IMPG2: variants seen among roughly 807,000 people sequenced by gnomAD.
The protein encoded by IMPG2 is IPM 200.
In IMPG2, 91 loss-of-function variants were observed where a neutral mutation model predicts 129.2. That is an observed-to-expected ratio of 0.70 (90% CI 0.59 to 0.84). The LOEUF (loss-of-function observed/expected upper bound fraction) is 0.84, where lower values mean the gene tolerates loss of function less well. Ranked by LOEUF, IMPG2 falls within the 40% of genes least tolerant of loss-of-function variation. The pLI is 0.00. For synonymous variants in IMPG2, 510 were observed against 517.7 expected, an observed-to-expected ratio of 0.99 and a Z score of 0.20; for missense variants, 1,430 against 1,461.7, an observed-to-expected ratio of 0.98 and a Z score of 0.35.
At chr3:101,277,724 A>G (rs1706852792) in intron 4 of IMPG2, among the ~76,000 whole-genome samples, 2 of 152,216 alleles carry the variant, frequency 1.3e-5, no homozygotes, top group South Asian at 4.1e-4. Context: ...AAGATAATCT[A>G]AGAAAGCCTC....
chr3:101,269,502 T>G lies in IMPG2; in HGVS notation c.887+13A>C. The G allele has an allele frequency of 6.8e-7, 1 of 1,466,494 alleles. No individual in the cohort carries two copies. Among genetic ancestry groups the G allele is most frequent in the Non-Finnish European group, 9.6e-7 (1 of 1,045,820 alleles). The allele number at this position is 1,466,494 out of a possible 1,614,324, so 90.8% of individuals were successfully genotyped here. A position where few individuals can be genotyped will look rare whatever the true frequency, so the allele number is the denominator to read the frequency against. On this transcript the variant is annotated intron_variant, in intron 8 of 18. Coordinates refer to ENST00000193391, the MANE Select transcript of IMPG2 (RefSeq NM_016247.4). ...ACTACTGAAAATGTGCATATTTAGA[T>G]AAGTCTATTTACCTAAATTCAAGTA... is the stretch of plus-strand genomic sequence containing the variant.
At chr3:101,310,498 C>T (rs916220511) in intron 2 of IMPG2, among the ~76,000 whole-genome samples, 26 of 148,340 alleles carry the variant, frequency 1.8e-4, no homozygotes, top group African/African-American at 5.9e-4. Flanking sequence ...AGATCGAGTA[C>T]GCAGTGAGGT....
intron 15 of IMPG2, among the ~76,000 whole-genome samples, chr3:101,232,023 T>C (rs1299107183): frequency 6.6e-6 from 1 of 152,172 alleles, no homozygotes; most frequent in Non-Finnish European, 1.5e-5. Context: ...TTTGAATGAA[T>C]ACTAAGTATG....
Position 101,245,905 on chromosome 3 carries a change from C to T in IMPG2, c.1440G>A (p.Glu480=). 1.2e-6 allele frequency: 2 copies of T among 1,614,164 alleles called. No homozygotes were observed. Among genetic ancestry groups the T allele is most frequent in the Non-Finnish European group, 1.7e-6 (2 of 1,180,024 alleles). Residue 480 remains glutamate, a synonymous_variant, in exon 12 of 19, where the codon GAG becomes GAA. Transcript: ENST00000193391. ...CAGAATGAAGAGTCAAGCTGCTAAC[C>T]TCTAAAACCTCTGGGGAAGAGCTGA... is the stretch of plus-strand genomic sequence containing the variant. ...MGLSSSPEVL[E]VSSLTLHSVT...
intron 3 of IMPG2, 52 bp downstream of exon 3, chr3:101,304,094 G>T: frequency 6.3e-7 from 1 of 1,594,360 alleles, no homozygotes; most frequent in Non-Finnish European, 8.6e-7. Context: ...CCTTAGCTGT[G>T]TAAATGCTCC....
chr3:101,254,226 G>T, intron 10 of IMPG2, among the ~76,000 whole-genome samples: 1 of 152,016 alleles, frequency 6.6e-6, no homozygotes, highest in Admixed American at 6.6e-5. Flanking sequence ...ACTGAGCTAG[G>T]ACACCAAAAA....
At chr3:101,239,633 C>A (rs151220850) in intron 14 of IMPG2, among the ~76,000 whole-genome samples, 1 of 152,106 alleles carries the variant, frequency 6.6e-6, no homozygotes, top group Non-Finnish European at 1.5e-5. Context: ...ATGTTTATTG[C>A]GGCACTATTC....
At chr3:101,237,733 C>A (rs1706362498) in intron 14 of IMPG2, among the ~76,000 whole-genome samples, 1 of 152,048 alleles carries the variant, frequency 6.6e-6, no homozygotes, top group Admixed American at 6.5e-5. Flanking sequence ...ACATCAAAGA[C>A]CAAAGGTAAA....
intron 4 of IMPG2, among the ~76,000 whole-genome samples, chr3:101,288,838 C>G (rs1029538949): frequency 6.6e-6 from 1 of 152,110 alleles, no homozygotes; most frequent in Non-Finnish European, 1.5e-5. Context: ...GTCATCCTTT[C>G]GAATTGATTT....
rs746288416 is a variant in IMPG2 at position 101,244,079 on chromosome 3, G to A, written c.2252C>T (p.Thr751Ile). ...AILREDMEQI[T>I]ESSNYEWFDS... ...AAACCATTCATAGTTGGATGACTCA[G>A]TAATTTGTTCCATATCCTCCCTTAG... Residue 751 changes from threonine (T) to isoleucine (I), a missense_variant, in exon 13 of 19, where the codon ACT (threonine) becomes ATT (isoleucine). Coordinates refer to ENST00000193391, the MANE Select transcript of IMPG2 (RefSeq NM_016247.4). The A allele has an allele frequency of 1.9e-6, 3 of 1,613,854 alleles. No homozygotes were observed. The highest frequency in any genetic ancestry group is 2.5e-6 in the Non-Finnish European group (3 of 1,180,036).
chr3:101,301,126 A>C (rs1479591607), intron 3 of IMPG2, among the ~76,000 whole-genome samples: 1 of 152,210 alleles, frequency 6.6e-6, no homozygotes, highest in Non-Finnish European at 1.5e-5. Flanking sequence ...AAACACAAAC[A>C]ACATTTATCA....
chr3:101,277,109 A>G (rs1706847444), intron 4 of IMPG2, among the ~76,000 whole-genome samples: 1 of 152,222 alleles, frequency 6.6e-6, no homozygotes, highest in African/African-American at 2.4e-5. Context: ...AATTAAACCA[A>G]GTTAAAAACT....
At position 101,244,279 on chromosome 3, in the gene IMPG2, C is replaced by A; in HGVS notation, c.2052G>T (p.Gly684=). The A allele has an allele frequency of 6.2e-7, 1 of 1,613,982 alleles. No individual in the cohort carries two copies. Among genetic ancestry groups the A allele is most frequent in the Non-Finnish European group, 8.5e-7 (1 of 1,179,988 alleles). ...TATCTGCGAAGATGGGCACAGCAGG[C>A]CCACTAAGAGGCTCTTCCTCTGGAA... The part of the protein sequence containing the change: ...THFPEEEPLS[G]PAVPIFADTA... The change falls in exon 13 of 19, where the codon GGG becomes GGT. Residue 684 remains glycine, a synonymous_variant. Coordinates refer to ENST00000193391, the MANE Select transcript of IMPG2 (RefSeq NM_016247.4).
chr3:101,277,479 T>TTACAGATGAGACAAGTAG (rs1260290453), intron 4 of IMPG2, among the ~76,000 whole-genome samples: 10 of 152,172 alleles, frequency 6.6e-5, no homozygotes, highest in Admixed American at 1.3e-4. Context: ...AAATCAATAA[T>TTACAGATGAGACAAGTAG]TACAGATGAG....
At chr3:101,296,445 G>A (rs749942799) in intron 3 of IMPG2, among the ~76,000 whole-genome samples, 3 of 152,192 alleles carry the variant, frequency 2.0e-5, no homozygotes, top group Admixed American at 6.5e-5. Context: ...GCTTTTTGAT[G>A]TACTGCTGGA....
intron 4 of IMPG2, among the ~76,000 whole-genome samples, chr3:101,277,551 C>T (rs981351129): frequency 6.6e-6 from 1 of 152,200 alleles, no homozygotes; most frequent in Non-Finnish European, 1.5e-5. Flanking sequence ...CACACCTGAT[C>T]TCATCTGAGA....
At position 101,298,589 on chromosome 3, in the gene IMPG2, C is replaced by T. The variant is rs983708711; in HGVS notation, c.501+5557G>A. On this transcript the variant is annotated intron_variant, in intron 3 of 18. Transcript: ENST00000193391. Reference sequence around the variant, plus strand: ...CCTTCAGGAGCTCTTGCAAGGCAGGCCTGATGGTGATGAAATCTCTCAGTA... The same window carrying T: ...CCTTCAGGAGCTCTTGCAAGGCAGGTCTGATGGTGATGAAATCTCTCAGTA... Among the ~76,000 whole-genome samples, 4 of 152,288 alleles carry T rather than the reference C, an allele frequency of 2.6e-5. No individual in the cohort carries two copies. In the East Asian group the frequency reaches 7.7e-4, roughly 29 times the overall value.
chr3:101,308,176 A>G (rs1707224150), intron 2 of IMPG2, among the ~76,000 whole-genome samples: 1 of 152,158 alleles, frequency 6.6e-6, no homozygotes, highest in Non-Finnish European at 1.5e-5. Flanking sequence ...TGGCTTTTTC[A>G]GGTGCATGGT....
chr3:101,227,021 G>T (rs764084338), intron 18 of IMPG2, 40 bp from the exon 19 acceptor site: 2 of 1,600,068 alleles, frequency 1.2e-6, no homozygotes, highest in East Asian at 4.5e-5. Flanking sequence ...TAAAAAAAAA[G>T]CAAGAATGTA....
Sources: allele counts gnomAD v4.1 joint callset (sites outside exome capture counted in the v4.1 genomes callset), GRCh38; gene constraint gnomAD v4.1.1; transcripts MANE v1.5; gene names NCBI Gene and HGNC (gene_info 2026-07-23, HGNC 2026-07-21).